Variants in TXNL4B observed in about 807,000 individuals in gnomAD.
The protein encoded by TXNL4B is thioredoxin like 4B.
In TXNL4B, 12 loss-of-function variants were observed where a neutral mutation model predicts 13.0. The observed-to-expected ratio is 0.92, with a 90% CI of 0.59 to 1.49. The LOEUF (loss-of-function observed/expected upper bound fraction) is 1.49, where lower values mean the gene tolerates loss of function less well. Among genes scored for constraint, TXNL4B ranks in the 40% most tolerant of loss-of-function variants. The pLI, the probability that TXNL4B is intolerant of heterozygous loss-of-function variation, is 0.00. For missense variants in TXNL4B, 214 were observed against 173.6 expected, an observed-to-expected ratio of 1.23 and a Z score of -1.31; for synonymous variants, 59 against 58.9, an observed-to-expected ratio of 1.00 and a Z score of -0.01.
At chr16:72,092,813 A>C (rs1421895081) in intron 1 of TXNL4B, among the ~76,000 whole-genome samples, 1 of 152,224 alleles carries the variant, frequency 6.6e-6, no homozygotes, top group Non-Finnish European at 1.5e-5. Context: ...ATAAACTAAA[A>C]AGTTAAGCTT....
chr16:72,086,291 A>G lies in TXNL4B; in HGVS notation c.*346T>C, dbSNP rs2041822167. The G allele has an allele frequency of 5.8e-6, 1 of 173,274 alleles. No individual in the cohort carries two copies. The highest frequency in any genetic ancestry group is 1.2e-5 in the Non-Finnish European group (1 of 81,184). The allele number at this position is 173,274 out of a possible 1,614,324, so 10.7% of individuals were successfully genotyped here. ...GACTTTCCAGTTCACTTGTGTATCA[A>G]ATGAACATGATGAAATCAAGTTGTA... On this transcript the variant is annotated 3_prime_UTR_variant, in exon 4 of 4. Coordinates refer to ENST00000268483, the MANE Select transcript of TXNL4B (RefSeq NM_017853.3).
chr16:72,091,100 C>T (rs2041898134), intron 1 of TXNL4B, among the ~76,000 whole-genome samples: 1 of 152,072 alleles, frequency 6.6e-6, no homozygotes, highest in Non-Finnish European at 1.5e-5. Context: ...CAAAAGATAG[C>T]CTATTGTATC....
chr16:72,088,890 C>T (rs928119024), intron 3 of TXNL4B, 97 bp downstream of exon 3: 2 of 942,352 alleles, frequency 2.1e-6, no homozygotes, highest in East Asian at 4.9e-5. Context: ...ATATAAGACT[C>T]ACAGAGCCAA....
intron 3 of TXNL4B, among the ~76,000 whole-genome samples, chr16:72,088,309 GACAAAAAGGGTAC>G (rs1217786192): frequency 6.6e-6 from 1 of 152,070 alleles, no homozygotes; most frequent in Non-Finnish European, 1.5e-5. Context: ...TTCAAATAAA[GACAAAAAGGGTAC>G]ACAGATCTAG....
chr16:72,092,640 G>A (rs888053563), intron 1 of TXNL4B, among the ~76,000 whole-genome samples: 1 of 152,148 alleles, frequency 6.6e-6, no homozygotes, highest in Non-Finnish European at 1.5e-5. Flanking sequence ...TGATCGAAAG[G>A]AGAAAGTAAG....
Position 72,086,669 on chromosome 16 carries a change from G to T in TXNL4B, c.418C>A (p.Pro140Thr). ...TCTTGATAGAGAAGGTCATATTTGG[G>T]AATATTCTTGGGATCAATAGGACTT... ...VQSPIDPKNI[P>T]KYDLLYQDI Residue 140 changes from proline to threonine, a missense_variant, in exon 4 of 4, where the codon CCC becomes ACC. Physicochemically the swap from Pro to Thr is conservative, Grantham distance 38 (BLOSUM62 -1). Coordinates refer to ENST00000268483, the MANE Select transcript of TXNL4B (RefSeq NM_017853.3). 1 of 1,613,732 alleles carries T rather than the reference G, an allele frequency of 6.2e-7. No individual in the cohort carries two copies. The highest frequency in any genetic ancestry group is 8.5e-7 in the Non-Finnish European group (1 of 1,179,694).
At chr16:72,088,551 G>C (rs1393290176) in intron 3 of TXNL4B, among the ~76,000 whole-genome samples, 2 of 152,208 alleles carry the variant, frequency 1.3e-5, no homozygotes, top group African/African-American at 4.8e-5. Flanking sequence ...TTTGCTAGAA[G>C]GAATGTTTCT....
At position 72,090,592 on chromosome 16, in the gene TXNL4B, A is replaced by T. The variant is rs778329370; in HGVS notation, c.132+26T>A. ...GAGAATATACAGATTATTAATAAAA[A>T]CCAATTATTTTAGACATTCACTTAC... On this transcript the variant is annotated intron_variant, in intron 2 of 3. Transcript: ENST00000268483. 10 of 1,611,640 alleles carry T rather than the reference A, an allele frequency of 6.2e-6. No individual in the cohort carries two copies. In the South Asian group the frequency reaches 1.1e-4, roughly 18 times the overall value.
At chr16:72,089,948 A>C (rs1305853572) in intron 2 of TXNL4B, 1 of 358,120 alleles carries the variant, frequency 2.8e-6, no homozygotes, top group African/African-American at 2.1e-5. Context: ...GTGTGGCTTC[A>C]GTGTCTACAT....
rs1283720976 is a variant in TXNL4B at position 72,093,350 on chromosome 16, G to C, written c.-38+17C>G. On this transcript the variant is annotated intron_variant, in intron 1 of 3. Coordinates refer to ENST00000268483, the MANE Select transcript of TXNL4B (RefSeq NM_017853.3). ...GCTGCTCCTGGCCCACAAGCGCTAA[G>C]GGACCCCAGCACTTACCTTACTCGT... The C allele has an allele frequency of 6.6e-6, 1 of 152,206 alleles. No homozygotes were observed. The highest frequency in any genetic ancestry group is 6.5e-5 in the Admixed American group (1 of 15,288). 9.4% of individuals were successfully genotyped at this position (152,206 alleles called of 1,614,324 possible).
intron 2 of TXNL4B, among the ~76,000 whole-genome samples, chr16:72,089,599 G>A (rs1255950563): frequency 6.6e-6 from 1 of 152,150 alleles, no homozygotes; most frequent in East Asian, 1.9e-4. Context: ...TTCTTTCTTT[G>A]AATGCTTTTA....
rs551592367 is a variant in TXNL4B, at chr16:72,086,053, A to G, written c.*584T>C. On this transcript the variant is annotated 3_prime_UTR_variant, in exon 4 of 4. Coordinates refer to ENST00000268483, the MANE Select transcript of TXNL4B (RefSeq NM_017853.3). ...CCAACCAGGACAATGTTTAAAAGCC[A>G]GAGCCAAAAAGGCTCCAAAATAAAA... 1 of 152,152 alleles carries G rather than the reference A, an allele frequency of 6.6e-6. No individual in the cohort carries two copies. The highest frequency in any genetic ancestry group is 1.5e-5 in the Non-Finnish European group (1 of 68,034). 9.4% of individuals were successfully genotyped at this position (152,152 alleles called of 1,614,324 possible). A position where few individuals can be genotyped will look rare whatever the true frequency, so the allele number is the denominator to read the frequency against.
chr16:72,090,569 GA>G, intron 2 of TXNL4B, 48 bp downstream of exon 2: 3 of 1,592,818 alleles, frequency 1.9e-6, no homozygotes, highest in Non-Finnish European at 2.6e-6. Context: ...GCTGAAGTGA[GA>G]ATATACAGAT....
intron 3 of TXNL4B, chr16:72,087,243 T>C (rs2041836099): frequency 6.5e-6 from 1 of 153,994 alleles, no homozygotes. Flanking sequence ...AAACACCAGG[T>C]ATGTTACTGT....
chr16:72,092,344 C>T (rs1046175979), intron 1 of TXNL4B, among the ~76,000 whole-genome samples: 1 of 151,122 alleles, frequency 6.6e-6, no homozygotes, highest in Non-Finnish European at 1.5e-5. Flanking sequence ...ACCCTGGAGG[C>T]GGAGGTTGCA....
chr16:72,086,147 C>G lies in TXNL4B; in HGVS notation c.*490G>C, dbSNP rs898896008. 1 of 152,352 alleles carries G rather than the reference C, an allele frequency of 6.6e-6. No individual in the cohort carries two copies. The highest frequency in any genetic ancestry group is 1.5e-5 in the Non-Finnish European group (1 of 68,352). The allele number at this position is 152,352 out of a possible 1,614,324, so 9.4% of individuals were successfully genotyped here. A position where few individuals can be genotyped will look rare whatever the true frequency, so the allele number is the denominator to read the frequency against. On this transcript the variant is annotated 3_prime_UTR_variant, in exon 4 of 4. Transcript: ENST00000268483. ...AATACAGACTGGAGATGGGAAAGCA[C>G]GAGGGATGTATGAGTCGAGGAACCG...
At position 72,085,613 on chromosome 16, in the gene TXNL4B, C is replaced by T. The variant is rs1194267478; in HGVS notation, c.*1024G>A. The T allele has an allele frequency of 6.6e-6, 1 of 152,192 alleles. No homozygotes were observed. Among genetic ancestry groups the T allele is most frequent in the Non-Finnish European group, 1.5e-5 (1 of 68,040 alleles). The allele number at this position is 152,192 out of a possible 1,614,324, so 9.4% of individuals were successfully genotyped here. Reference sequence around the variant, plus strand: ...GGCAGCAGCTTCTGGGAAAAATCTGCTCCTGCTAAGGTGGCTCATTCATTG... The same window carrying T: ...GGCAGCAGCTTCTGGGAAAAATCTGTTCCTGCTAAGGTGGCTCATTCATTG... On this transcript the variant is annotated 3_prime_UTR_variant, in exon 4 of 4. Transcript: ENST00000268483.
At position 72,090,602 on chromosome 16, in the gene TXNL4B, T is replaced by C. The variant is rs369664154; in HGVS notation, c.132+16A>G. On this transcript the variant is annotated intron_variant, in intron 2 of 3. Transcript: ENST00000268483. The stretch of plus-strand genomic sequence containing the variant: ...AGATTATTAATAAAAACCAATTATT[T>C]TAGACATTCACTTACAATATCATCT... 3 of 1,612,760 alleles carry C rather than the reference T, an allele frequency of 1.9e-6. No individual in the cohort carries two copies. In the African/African-American group the frequency reaches 4.0e-5, roughly 22 times the overall value.
At position 72,086,516 on chromosome 16, in the gene TXNL4B, A is replaced by C. The variant is rs772690540; in HGVS notation, c.*121T>G. On this transcript the variant is annotated 3_prime_UTR_variant, in exon 4 of 4. Transcript: ENST00000268483. ...TCAGGGGCCGGGTTTTCTACACGCA[A>C]GTCAAACCTCTTCTCCTCTGGGACA... 1.8e-5 allele frequency: 17 copies of C among 936,770 alleles called. No individual in the cohort carries two copies. Among genetic ancestry groups the C allele is most frequent in the Non-Finnish European group, 2.3e-5 (15 of 641,188 alleles). The allele number at this position is 936,770 out of a possible 1,614,324, so 58.0% of individuals were successfully genotyped here.
Sources: gnomAD v4.1 joint callset for allele counts (sites outside exome capture counted in the v4.1 genomes callset) on GRCh38, gnomAD v4.1.1 for gene constraint, MANE v1.5 for transcripts, NCBI Gene and HGNC (gene_info 2026-07-23, HGNC 2026-07-21) for gene names.